The following HS6ST3 variants were observed in gnomAD, a reference collection of about 807,000 sequenced individuals.
HS6ST3 encodes the protein heparan sulfate 6-O-sulfotransferase 3, also known as heparan-sulfate 6-O-sulfotransferase 3.
A neutral mutation model predicts 36.7 loss-of-function variants in HS6ST3; 12 were observed. The observed-to-expected ratio is 0.33, with a 90% CI of 0.21 to 0.53. The LOEUF (loss-of-function observed/expected upper bound fraction) is 0.53. HS6ST3 is among the 20% of genes least tolerant of loss of function. The pLI is 0.95. For missense variants in HS6ST3, 584 were observed against 640.9 expected, an observed-to-expected ratio of 0.91 and a Z score of 0.96; for synonymous variants, 240 against 257.5, an observed-to-expected ratio of 0.93 and a Z score of 0.65.
At chr13:96,247,286 A>G (rs1315848990) in intron 1 of HS6ST3, among the ~76,000 whole-genome samples, 1 of 151,998 alleles carries the variant, frequency 6.6e-6, no homozygotes, top group African/African-American at 2.4e-5. Context: ...TACAGCCCTG[A>G]TATGATTTTA....
intron 1 of HS6ST3, among the ~76,000 whole-genome samples, chr13:96,507,447 TGGAAGAG>T (rs1284896511): frequency 6.6e-6 from 1 of 152,134 alleles, no homozygotes; most frequent in African/African-American, 2.4e-5. Context: ...CTCTGATCTC[TGGAAGAG>T]GAGGTAGGGT....
At chr13:96,606,699 C>G (rs1034448932) in intron 1 of HS6ST3, among the ~76,000 whole-genome samples, 1 of 151,482 alleles carries the variant, frequency 6.6e-6, no homozygotes, top group East Asian at 1.9e-4. Context: ...CATCCATACC[C>G]CATACCTCAG....
intron 1 of HS6ST3, among the ~76,000 whole-genome samples, chr13:96,783,576 T>G (rs1402398620): frequency 6.6e-6 from 1 of 152,048 alleles, no homozygotes; most frequent in African/African-American, 2.4e-5. Context: ...AAGCTTTTTT[T>G]TTTTTTTCTG....
rs571610110 is a variant in HS6ST3, at chr13:96,189,806, A to T, written c.707+98237A>T. 1.6e-4 allele frequency among the ~76,000 whole-genome samples: 25 copies of T among 152,276 alleles called. 1 individual carries two copies. The South Asian group carries it at 3.9e-3, about 24-fold the overall frequency. On this transcript the variant is annotated intron_variant, in intron 1 of 1. Transcript: ENST00000376705. ...ATTGCAGTGGGCGTGAACCCAAGAG[A>T]CTAAATCAACTACATGATCAGATTT...
In HS6ST3 at chr13:96,833,157, A is replaced by G. The variant is rs200967296; in HGVS notation, c.1375A>G (p.Thr459Ala). 3 of 1,592,334 alleles carry G rather than the reference A, an allele frequency of 1.9e-6. No homozygotes were observed. In the East Asian group the frequency reaches 6.7e-5, roughly 36 times the overall value. ...CAAAGAAGATGGGGCTGCAGAAGGGACTGTCACCGAGGACTACAACAGCCA... is the reference window on the plus strand; with the variant it reads ...CAAAGAAGATGGGGCTGCAGAAGGGGCTGTCACCGAGGACTACAACAGCCA... The part of the protein sequence containing the change: ...WPKEDGAAEG[T>A]VTEDYNSQVV... Residue 459 changes from threonine (T) to alanine (A), a missense_variant, in exon 2 of 2, where the codon ACT (threonine) becomes GCT (alanine). Physicochemically the swap from Thr to Ala is moderately conservative, Grantham distance 58. Transcript: ENST00000376705.
At chr13:96,454,285 C>G (rs2055744215) in intron 1 of HS6ST3, among the ~76,000 whole-genome samples, 2 of 152,122 alleles carry the variant, frequency 1.3e-5, no homozygotes, top group East Asian at 1.9e-4. Context: ...TGATGCGGAC[C>G]AGCCATGGGG....
At chr13:96,186,480 G>T (rs2054265570) in intron 1 of HS6ST3, among the ~76,000 whole-genome samples, 1 of 152,204 alleles carries the variant, frequency 6.6e-6, no homozygotes. Context: ...TATGCACTCA[G>T]TGTTTGTTCT....
At chr13:96,617,322 A>G (rs1267182875) in intron 1 of HS6ST3, among the ~76,000 whole-genome samples, 1 of 152,120 alleles carries the variant, frequency 6.6e-6, no homozygotes, top group Non-Finnish European at 1.5e-5. Context: ...TTCTCAGTGT[A>G]TTCATTGATT....
At chr13:96,139,449 T>A (rs2139316430) in intron 1 of HS6ST3, among the ~76,000 whole-genome samples, 1 of 137,530 alleles carries the variant, frequency 7.3e-6, no homozygotes, top group South Asian at 2.3e-4. Flanking sequence ...TGTAAGCGGG[T>A]AAAAAATGGC....
In HS6ST3 at chr13:96,834,103, G is replaced by A. The variant is rs889319411; in HGVS notation, c.*905G>A. On this transcript the variant is annotated 3_prime_UTR_variant, in exon 2 of 2. Transcript: ENST00000376705. ...GCCACATAACCTTAGATTTTTAAAGGAATATTTCAGAGTTTAATCTTTTTG... is the reference window on the plus strand; with the variant it reads ...GCCACATAACCTTAGATTTTTAAAGAAATATTTCAGAGTTTAATCTTTTTG... The A allele has an allele frequency of 1.3e-5, 2 of 152,088 alleles. No individual in the cohort carries two copies. The highest frequency in any genetic ancestry group is 4.8e-5 in the African/African-American group (2 of 41,390). The allele number at this position is 152,088 out of a possible 1,614,324, so 9.4% of individuals were successfully genotyped here. A position where few individuals can be genotyped will look rare whatever the true frequency, so the allele number is the denominator to read the frequency against.
intron 1 of HS6ST3, among the ~76,000 whole-genome samples, chr13:96,562,351 C>A (rs1225556408): frequency 1.3e-5 from 2 of 151,970 alleles, no homozygotes; most frequent in African/African-American, 2.4e-5. Flanking sequence ...AAGATGGCAA[C>A]AATAGACACT....
At chr13:96,371,183 A>G (rs1333338297) in intron 1 of HS6ST3, among the ~76,000 whole-genome samples, 17 of 152,300 alleles carry the variant, frequency 1.1e-4, no homozygotes, top group Admixed American at 2.6e-4. Context: ...ACTCTACCCC[A>G]TATTGTGAAC....
At chr13:96,409,605 A>G (rs944991694) in intron 1 of HS6ST3, among the ~76,000 whole-genome samples, 2 of 152,340 alleles carry the variant, frequency 1.3e-5, no homozygotes, top group Admixed American at 1.3e-4. Flanking sequence ...GGCAGAAGAT[A>G]TCAGTCAATA....
At chr13:96,322,077 A>G (rs61966907) in intron 1 of HS6ST3, among the ~76,000 whole-genome samples, 4 of 152,106 alleles carry the variant, frequency 2.6e-5, no homozygotes, top group African/African-American at 9.7e-5. Context: ...CTCTGCCTTC[A>G]TAACAATGAC....
intron 1 of HS6ST3, among the ~76,000 whole-genome samples, chr13:96,656,636 C>A (rs564447127): frequency 1.3e-5 from 2 of 152,228 alleles, no homozygotes; most frequent in South Asian, 2.1e-4. Context: ...GTGAACTTTT[C>A]TGCCTCTGGA....
intron 1 of HS6ST3, among the ~76,000 whole-genome samples, chr13:96,618,036 T>C (rs2138992826): frequency 6.6e-6 from 1 of 152,308 alleles, no homozygotes; most frequent in Middle Eastern, 3.4e-3. Context: ...AACTTGAGCT[T>C]GCACTCCAAT....
rs1367446158 is a variant in HS6ST3 at position 96,225,143 on chromosome 13, T to G, written c.707+133574T>G. Among the ~76,000 whole-genome samples, 3 of 152,218 alleles carry G rather than the reference T, an allele frequency of 2.0e-5. No homozygotes were observed. In the East Asian group the frequency reaches 5.8e-4, roughly 29 times the overall value. Reference sequence around the variant, plus strand: ...TTTGATCAGAGACATTTTTTGTAGATGGTAGACTTAATTGGTCACACCTGA... The same window carrying G: ...TTTGATCAGAGACATTTTTTGTAGAGGGTAGACTTAATTGGTCACACCTGA... On this transcript the variant is annotated intron_variant, in intron 1 of 1. Coordinates refer to ENST00000376705, the MANE Select transcript of HS6ST3 (RefSeq NM_153456.4).
intron 1 of HS6ST3, among the ~76,000 whole-genome samples, chr13:96,680,255 C>T (rs2056713689): frequency 6.6e-6 from 1 of 152,134 alleles, no homozygotes; most frequent in Non-Finnish European, 1.5e-5. Context: ...AGCCTTGTCA[C>T]ACCACCATGC....
At chr13:96,775,740 G>C (rs762964232) in intron 1 of HS6ST3, among the ~76,000 whole-genome samples, 4 of 152,034 alleles carry the variant, frequency 2.6e-5, no homozygotes, top group African/African-American at 4.8e-5. Context: ...AATAATAGTG[G>C]GAGAACTTAA....
Sources: gnomAD v4.1 joint callset for allele counts (sites outside exome capture counted in the v4.1 genomes callset) on GRCh38, gnomAD v4.1.1 for gene constraint, MANE v1.5 for transcripts, NCBI Gene and HGNC (gene_info 2026-07-23, HGNC 2026-07-21) for gene names.